Variants in DLG2 observed in about 807,000 individuals in gnomAD.
DLG2 encodes the protein disks large homolog 2.
A neutral mutation model predicts 132.5 loss-of-function variants in DLG2; 45 were observed. The observed-to-expected ratio is 0.34, with a 90% CI of 0.27 to 0.44. The LOEUF is 0.44. DLG2 is among the 20% of genes least tolerant of loss of function. The pLI is 1.00. For missense variants in DLG2, 1,045 were observed against 1,196.9 expected (o/e 0.87, Z 1.87); for synonymous variants, 424 against 419.6 (o/e 1.01, Z -0.13).
chr11:84,020,979 A>G (rs1177907834), intron 11 of DLG2, among the ~76,000 whole-genome samples: 3 of 152,170 alleles, frequency 2.0e-5, no homozygotes, highest in Admixed American at 2.0e-4. Flanking sequence ...TTCCTAAATC[A>G]GTAGGCCTTG....
intron 8 of DLG2, among the ~76,000 whole-genome samples, chr11:84,173,559 T>A (rs567593544): frequency 6.6e-6 from 1 of 152,302 alleles, no homozygotes; most frequent in African/African-American, 2.4e-5. Flanking sequence ...AGCCAAAAGA[T>A]GAGACTTTAC....
chr11:84,922,585 A>T (rs141992860), intron 6 of DLG2, among the ~76,000 whole-genome samples: 73 of 152,252 alleles, frequency 4.8e-4, no homozygotes, highest in African/African-American at 1.7e-3. Flanking sequence ...TCCAGTGAAA[A>T]TCATTTGTTG....
At chr11:84,800,229 C>T (rs2075201982) in intron 6 of DLG2, among the ~76,000 whole-genome samples, 1 of 152,118 alleles carries the variant, frequency 6.6e-6, no homozygotes. Context: ...CATTGCTCTC[C>T]CTTTCTCTCC....
chr11:83,756,996 C>T (rs1374995912), intron 18 of DLG2, among the ~76,000 whole-genome samples: 1 of 152,168 alleles, frequency 6.6e-6, no homozygotes, highest in Non-Finnish European at 1.5e-5. Flanking sequence ...CAAACATACA[C>T]AATATGCATA....
intron 19 of DLG2, among the ~76,000 whole-genome samples, chr11:83,576,172 A>G (rs1191791378): frequency 6.6e-6 from 1 of 152,218 alleles, no homozygotes; most frequent in Non-Finnish European, 1.5e-5. Flanking sequence ...TAATGAACAT[A>G]AAATACATAG....
chr11:85,456,249 T>G (rs2092418002), intron 3 of DLG2, among the ~76,000 whole-genome samples: 1 of 152,192 alleles, frequency 6.6e-6, no homozygotes, highest in African/African-American at 2.4e-5. Context: ...CTGGTTTGTG[T>G]GCATAGAGGT....
At chr11:84,996,185 G>A (rs1045931690) in intron 6 of DLG2, among the ~76,000 whole-genome samples, 11 of 151,908 alleles carry the variant, frequency 7.2e-5, no homozygotes, top group Admixed American at 2.6e-4. Context: ...ATGTACCTAA[G>A]TGTGAGTTTG....
chr11:84,900,390 A>G (rs2090738703), intron 6 of DLG2, among the ~76,000 whole-genome samples: 1 of 152,036 alleles, frequency 6.6e-6, no homozygotes, highest in Non-Finnish European at 1.5e-5. Context: ...GTTAAACTCT[A>G]ACAGGCACTG....
chr11:84,260,402 G>A (rs571552823), intron 7 of DLG2, among the ~76,000 whole-genome samples: 3 of 152,170 alleles, frequency 2.0e-5, no homozygotes, highest in East Asian at 1.9e-4. Context: ...CGCCATATAC[G>A]TACTTACACT....
intron 3 of DLG2, among the ~76,000 whole-genome samples, chr11:85,492,089 A>G (rs917500452): frequency 6.6e-6 from 1 of 152,148 alleles, no homozygotes; most frequent in African/African-American, 2.4e-5. Flanking sequence ...TATATTCTTG[A>G]AAATTGTTTA....
At chr11:84,656,889 A>T in intron 6 of DLG2, among the ~76,000 whole-genome samples, 1 of 152,160 alleles carries the variant, frequency 6.6e-6, no homozygotes, top group East Asian at 1.9e-4. Context: ...ACAAGTTTAT[A>T]TTTCTGTTTA....
chr11:84,218,406 A>AAGGAAGGG (rs778339651), intron 8 of DLG2, among the ~76,000 whole-genome samples: 1 of 150,904 alleles, frequency 6.6e-6, no homozygotes, highest in Non-Finnish European at 1.5e-5. Flanking sequence ...GGGAGGAAGG[A>AAGGAAGGG]AGGAAGGATT....
intron 5 of DLG2, among the ~76,000 whole-genome samples, chr11:85,152,958 C>G (rs1311814436): frequency 6.6e-6 from 1 of 152,142 alleles, no homozygotes; most frequent in Non-Finnish European, 1.5e-5. Context: ...TATCAAACAA[C>G]TAAAACAGTA....
At chr11:85,399,544 C>T (rs2087814577) in intron 3 of DLG2, among the ~76,000 whole-genome samples, 1 of 152,120 alleles carries the variant, frequency 6.6e-6, no homozygotes, top group Non-Finnish European at 1.5e-5. Context: ...TACAAGGCTA[C>T]AGTAACCAAA....
At chr11:84,604,650 G>T (rs2099582310) in intron 6 of DLG2, among the ~76,000 whole-genome samples, 1 of 151,868 alleles carries the variant, frequency 6.6e-6, no homozygotes. Flanking sequence ...AAAATGTATT[G>T]CTAAGTGCTA....
In DLG2 at chr11:83,883,239, G is replaced by A. The variant is rs537954547; in HGVS notation, c.1497-8751C>T. On this transcript the variant is annotated intron_variant, in intron 15 of 27. Transcript: ENST00000376104. ...CAAGATTTTTTCTGGAATTTTCAACGTCTGGCCACAGTTTTGATGGTGTTA... is the reference window on the plus strand; with the variant it reads ...CAAGATTTTTTCTGGAATTTTCAACATCTGGCCACAGTTTTGATGGTGTTA... Among the ~76,000 whole-genome samples the A allele has an allele frequency of 1.4e-4, 21 of 152,036 alleles. No individual in the cohort carries two copies. In the South Asian group the frequency reaches 2.5e-3, roughly 18 times the overall value.
intron 3 of DLG2, among the ~76,000 whole-genome samples, chr11:85,332,724 A>G (rs2081851294): frequency 1.3e-5 from 2 of 152,090 alleles, no homozygotes; most frequent in Admixed American, 1.3e-4. Flanking sequence ...TACTTTCCCC[A>G]TTGTTATTAT....
At chr11:83,988,316 T>A (rs1010508802) in intron 11 of DLG2, among the ~76,000 whole-genome samples, 1 of 152,184 alleles carries the variant, frequency 6.6e-6, no homozygotes, top group Non-Finnish European at 1.5e-5. Context: ...GTACAAGGTA[T>A]AAGGAAGGGA....
chr11:84,663,697 G>A (rs2099697088), intron 6 of DLG2, among the ~76,000 whole-genome samples: 1 of 152,104 alleles, frequency 6.6e-6, no homozygotes. Flanking sequence ...GGGTTTGGAT[G>A]ACAAATTATA....
Sources: allele counts gnomAD v4.1 joint callset (sites outside exome capture counted in the v4.1 genomes callset), GRCh38; gene constraint gnomAD v4.1.1; transcripts MANE v1.5; gene names NCBI Gene and HGNC (gene_info 2026-07-23, HGNC 2026-07-21).